Variants in AKR1E2 observed in about 807,000 individuals in gnomAD.
AKR1E2 encodes the protein 1,5-anhydro-D-fructose reductase.
AKR1E2 carries 43 observed loss-of-function variants against 41.9 expected under a neutral mutation model. The ratio of observed to expected loss-of-function variants is 1.03; its 90% CI spans 0.80 to 1.32. The LOEUF is 1.32. Among genes scored for constraint, AKR1E2 ranks in the 40% most tolerant of loss-of-function variants. The probability of loss-of-function intolerance (pLI) is 0.00; values close to 1 mark genes in which losing one functional copy is unlikely to be tolerated. For synonymous variants in AKR1E2, 121 were observed against 138.9 expected, an observed-to-expected ratio of 0.87 and a Z score of 0.91; for missense variants, 423 against 396.5, an observed-to-expected ratio of 1.07 and a Z score of -0.57.
At chr10:4,853,216 A>G in the AKR1E2 span, among the ~76,000 whole-genome samples, 1 of 152,224 alleles carries the variant, frequency 6.6e-6, no homozygotes, top group Non-Finnish European at 1.5e-5. Flanking sequence ...ATGTTTGCAA[A>G]CTTATTTAAT....
chr10:4,870,436 C>T, the AKR1E2 span, among the ~76,000 whole-genome samples: 33,035 of 151,298 alleles, frequency 0.22, 3,802 homozygotes, highest in Middle Eastern at 0.34. Flanking sequence ...CATTTTCTTT[C>T]TGTTTAGAGA....
chr10:4,840,724 A>C (rs964874930), intron 6 of AKR1E2, among the ~76,000 whole-genome samples: 5 of 152,112 alleles, frequency 3.3e-5, no homozygotes, highest in African/African-American at 9.7e-5. Flanking sequence ...TTTACCCACA[A>C]ATCTTTTTTT....
downstream of AKR1E2, among the ~76,000 whole-genome samples, chr10:4,849,509 T>C (rs966669696): frequency 6.6e-6 from 1 of 152,234 alleles, no homozygotes; most frequent in Admixed American, 6.5e-5. Flanking sequence ...GAGTCAAAAA[T>C]CTAACTGCTA....
intron 5 of AKR1E2, 54 bp downstream of exon 5, chr10:4,837,635 G>T: frequency 6.3e-7 from 1 of 1,585,726 alleles, no homozygotes; most frequent in Admixed American, 1.7e-5. Flanking sequence ...TCCCCCAGCT[G>T]CCACCTCCAC....
chr10:4,828,268 T>G (rs879933841), intron 1 of AKR1E2, among the ~76,000 whole-genome samples: 1 of 152,128 alleles, frequency 6.6e-6, no homozygotes, highest in Non-Finnish European at 1.5e-5. Context: ...CCTGTCCTCG[T>G]GCGGTTAGTT....
intron 5 of AKR1E2, 93 bp downstream of exon 5, chr10:4,837,674 T>C: frequency 6.5e-7 from 1 of 1,539,430 alleles, no homozygotes; most frequent in Admixed American, 1.8e-5. Context: ...GAAGAATGGG[T>C]GAAGCACAAA....
intron 2 of AKR1E2, among the ~76,000 whole-genome samples, chr10:4,833,100 G>A (rs1833110919): frequency 6.6e-6 from 1 of 152,120 alleles, no homozygotes; most frequent in African/African-American, 2.4e-5. Flanking sequence ...AATATCTCTT[G>A]GATTCCTGAG....
intron 5 of AKR1E2, among the ~76,000 whole-genome samples, chr10:4,838,874 G>A (rs1431793437): frequency 2.6e-5 from 4 of 152,206 alleles, no homozygotes; most frequent in Admixed American, 1.3e-4. Context: ...AGTCTGAGTA[G>A]ACAAAGTGGG....
chr10:4,826,216 C>A lies in AKR1E2; in HGVS notation c.-109C>A. ...TGTCGGAGTGTCAGCCGTCACAAGG[C>A]ACTTCCAGCCAGTCGCAACGGCGGG... On this transcript the variant is annotated 5_prime_UTR_variant, in exon 1 of 10. Transcript: ENST00000298375. 1 of 841,648 alleles carries A rather than the reference C, an allele frequency of 1.2e-6. No homozygotes were observed. Among genetic ancestry groups the A allele is most frequent in the Non-Finnish European group, 1.6e-6 (1 of 630,688 alleles). 52.1% of individuals were successfully genotyped at this position (841,648 alleles called of 1,614,324 possible). A position where few individuals can be genotyped will look rare whatever the true frequency, so the allele number is the denominator to read the frequency against.
intron 1 of AKR1E2, 117 bp from the exon 2 acceptor site, chr10:4,830,558 C>T (rs558416453): frequency 1.7e-6 from 2 of 1,174,662 alleles, no homozygotes; most frequent in Non-Finnish European, 2.4e-6. Context: ...TATACTAGTA[C>T]CAAATTAGTG....
chr10:4,845,155 C>A (rs1351050458), intron 8 of AKR1E2, among the ~76,000 whole-genome samples: 2 of 152,212 alleles, frequency 1.3e-5, no homozygotes, highest in South Asian at 2.1e-4. Context: ...AGCCGCTGGC[C>A]CGAGTGCTAA....
upstream of AKR1E2, among the ~76,000 whole-genome samples, chr10:4,825,243 T>C (rs1397277124): frequency 6.6e-6 from 1 of 152,128 alleles, no homozygotes; most frequent in Non-Finnish European, 1.5e-5. Flanking sequence ...CCTCCCCTGA[T>C]GGCCAGCACT....
In AKR1E2 at chr10:4,837,556, T is replaced by G. The variant is rs76596595; in HGVS notation, c.557T>G (p.Leu186Trp). 24,982 of 1,613,744 alleles carry G rather than the reference T, an allele frequency of 0.015. 229 individuals carry two copies. The highest frequency in any genetic ancestry group is 0.019 in the Non-Finnish European group (22,208 of 1,179,758). Residue 186 changes from leucine (L) to tryptophan (W), a missense_variant, in exon 5 of 10, where the codon TTG (leucine) becomes TGG (tryptophan). Leu to Trp is a moderately conservative substitution (Grantham distance 61). Coordinates refer to ENST00000298375, the MANE Select transcript of AKR1E2 (RefSeq NM_001040177.3). ...GAGAGGCTTTTGAATAAGCCTGGGTTGAGGTTCAAGCCACTAACCAACCAG... is the reference window on the plus strand; with the variant it reads ...GAGAGGCTTTTGAATAAGCCTGGGTGGAGGTTCAAGCCACTAACCAACCAG... ...QLERLLNKPG[L>W]RFKPLTNQIE...
At chr10:4,836,274 G>T (rs1024795523) in intron 4 of AKR1E2, among the ~76,000 whole-genome samples, 23 of 152,044 alleles carry the variant, frequency 1.5e-4, no homozygotes, top group South Asian at 2.1e-4. Flanking sequence ...GACCAGTGTC[G>T]GGGAAGGTTA....
At chr10:4,873,226 C>T in the AKR1E2 span, among the ~76,000 whole-genome samples, 1 of 152,132 alleles carries the variant, frequency 6.6e-6, no homozygotes, top group Non-Finnish European at 1.5e-5. Context: ...TCTCTTTTTG[C>T]CTGCTGCCAT....
At chr10:4,869,217 C>G in the AKR1E2 span, among the ~76,000 whole-genome samples, 1 of 152,074 alleles carries the variant, frequency 6.6e-6, no homozygotes, top group African/African-American at 2.4e-5. Context: ...AGTAATAGGG[C>G]TATTCAAATG....
At chr10:4,863,628 G>A in the AKR1E2 span, among the ~76,000 whole-genome samples, 45 of 151,116 alleles carry the variant, frequency 3.0e-4, no homozygotes, top group African/African-American at 9.5e-4. Flanking sequence ...AACTGAAGGA[G>A]ATAGAGTCAC....
downstream of AKR1E2, among the ~76,000 whole-genome samples, chr10:4,849,659 G>C: frequency 6.6e-6 from 1 of 152,254 alleles, no homozygotes; most frequent in South Asian, 2.1e-4. Flanking sequence ...CAAGGACACA[G>C]TTGCAGTTGG....
intron 5 of AKR1E2, among the ~76,000 whole-genome samples, chr10:4,838,748 G>A (rs1034992063): frequency 1.3e-5 from 2 of 152,272 alleles, no homozygotes; most frequent in East Asian, 3.9e-4. Context: ...GCTTTGCCTT[G>A]TATACAACCC....
Sources: gnomAD v4.1 joint callset for allele counts (sites outside exome capture counted in the v4.1 genomes callset) on GRCh38, gnomAD v4.1.1 for gene constraint, MANE v1.5 for transcripts, NCBI Gene and HGNC (gene_info 2026-07-23, HGNC 2026-07-21) for gene names.